The following RTTN variants were observed in gnomAD, a reference collection of about 807,000 sequenced individuals.
The protein encoded by RTTN is rotatin.
A neutral mutation model predicts 269.2 loss-of-function variants in RTTN; 182 were observed. The ratio of observed to expected loss-of-function variants is 0.68; its 90% CI spans 0.60 to 0.76. The LOEUF (loss-of-function observed/expected upper bound fraction) is 0.76. Ranked by LOEUF, RTTN falls within the 30% of genes least tolerant of loss-of-function variation. The pLI, the probability that RTTN is intolerant of heterozygous loss-of-function variation, is 0.00. For synonymous variants in RTTN, 1,006 were observed against 963.5 expected (o/e 1.04, Z -0.82); for missense variants, 2,545 against 2,608.6 (o/e 0.98, Z 0.53).
In RTTN at chr18:70,054,280, G is replaced by T. The variant is rs773203986; in HGVS notation, c.5036C>A (p.Ser1679Tyr). ...PPAEHTQAQV[S>Y]FLLEYLSSLS... Reference sequence around the variant, plus strand: ...AGAGGATAGGTATTCCAGGAGAAAGGAAACCTGTTTGAAAAGGAGACAGGG... The same window carrying T: ...AGAGGATAGGTATTCCAGGAGAAAGTAAACCTGTTTGAAAAGGAGACAGGG... The change falls in exon 38 of 49, where the codon TCC becomes TAC. Residue 1679 changes from serine to tyrosine, a missense_variant. Physicochemically the swap from Ser to Tyr is moderately radical, Grantham distance 144. Transcript: ENST00000640769. 2 of 1,607,684 alleles carry T rather than the reference G, an allele frequency of 1.2e-6. No homozygotes were observed. Among genetic ancestry groups the T allele is most frequent in the South Asian group, 2.2e-5 (2 of 89,780 alleles).
At position 70,121,926 on chromosome 18, in the gene RTTN, G is replaced by C. The variant is rs74999746; in HGVS notation, c.3384-226C>G. Among the ~76,000 whole-genome samples the C allele has an allele frequency of 0.021, 3,242 of 152,154 alleles. 52 individuals carry two copies. The highest frequency in any genetic ancestry group is 0.04 in the Admixed American group (609 of 15,270). On this transcript the variant is annotated intron_variant, in intron 25 of 48. Coordinates refer to ENST00000640769, the MANE Select transcript of RTTN (RefSeq NM_173630.4). ...TGTGGACAAGTAACTAAAATAACTA[G>C]AAGTGACAAATATCATAAGAGAAAA...
intron 28 of RTTN, among the ~76,000 whole-genome samples, chr18:70,102,458 T>C (rs927747974): frequency 3.9e-5 from 6 of 152,182 alleles, no homozygotes; most frequent in African/African-American, 1.2e-4. Context: ...TTTGAGCCTA[T>C]GTATGTCTCT....
At chr18:70,122,553 T>C (rs1347490675) in intron 25 of RTTN, among the ~76,000 whole-genome samples, 2 of 152,102 alleles carry the variant, frequency 1.3e-5, no homozygotes, top group African/African-American at 2.4e-5. Context: ...CATTATGAAG[T>C]AGGCACCTCT....
At chr18:70,166,319 T>C (rs2060985068) in intron 13 of RTTN, 131 bp from the exon 14 acceptor site, 2 of 772,624 alleles carry the variant, frequency 2.6e-6, no homozygotes, top group South Asian at 3.8e-5. Context: ...AAATAACCAA[T>C]ACTAGCAAGT....
intron 34 of RTTN, among the ~76,000 whole-genome samples, chr18:70,070,129 C>T (rs150612343): frequency 6.6e-6 from 1 of 152,192 alleles, no homozygotes; most frequent in Non-Finnish European, 1.5e-5. Context: ...AGATGATAGA[C>T]GATTCTTGCA....
intron 8 of RTTN, among the ~76,000 whole-genome samples, chr18:70,191,972 T>C (rs1297819423): frequency 1.3e-5 from 2 of 152,112 alleles, no homozygotes; most frequent in Non-Finnish European, 2.9e-5. Flanking sequence ...CCAACTACAA[T>C]ATAAGGACTA....
intron 9 of RTTN, 48 bp downstream of exon 9, chr18:70,190,490 A>G: frequency 8.9e-6 from 13 of 1,454,602 alleles, no homozygotes; most frequent in Non-Finnish European, 1.2e-5. Context: ...AACGAAATAC[A>G]AAACAGACAC....
chr18:70,198,746 A>G (rs1443420140), intron 5 of RTTN, among the ~76,000 whole-genome samples: 1 of 152,216 alleles, frequency 6.6e-6, no homozygotes, highest in Admixed American at 6.5e-5. Flanking sequence ...TGAAGCCCAC[A>G]TTTTGAAATA....
At chr18:70,176,049 T>G (rs1014965060) in intron 11 of RTTN, among the ~76,000 whole-genome samples, 9 of 152,178 alleles carry the variant, frequency 5.9e-5, no homozygotes, top group Admixed American at 1.3e-4. Flanking sequence ...AAGATACAAG[T>G]GTACCAATTA....
At position 70,065,854 on chromosome 18, in the gene RTTN, G is replaced by A; in HGVS notation, c.4722C>T (p.Ala1574=). The A allele has an allele frequency of 6.2e-7, 1 of 1,600,554 alleles. No homozygotes were observed. Among genetic ancestry groups the A allele is most frequent in the Non-Finnish European group, 8.5e-7 (1 of 1,172,444 alleles). ...CTTGAGCCACAAACTGGTCATGGGAGGCTTCAGGTAGAAGTGTTGTTGACT... is the reference window on the plus strand; with the variant it reads ...CTTGAGCCACAAACTGGTCATGGGAAGCTTCAGGTAGAAGTGTTGTTGACT... ...LVQSTTLLPE[A]SHDQFVAQGH... is the part of the protein sequence containing the mutation. Residue 1574 remains alanine (A), a synonymous_variant, in exon 35 of 49, where the codon GCC becomes GCT. Coordinates refer to ENST00000640769, the MANE Select transcript of RTTN (RefSeq NM_173630.4).
chr18:70,055,747 G>A (rs1335694598), intron 37 of RTTN, among the ~76,000 whole-genome samples: 1 of 152,120 alleles, frequency 6.6e-6, no homozygotes, highest in Non-Finnish European at 1.5e-5. Flanking sequence ...AGATTCTTTT[G>A]TATATGATCA....
chr18:70,075,105 A>T, intron 33 of RTTN: 1 of 298,586 alleles, frequency 3.3e-6, no homozygotes, highest in Non-Finnish European at 6.0e-6. Flanking sequence ...ATGCTTGCAG[A>T]ATATTTAGTG....
chr18:70,106,203 G>T (rs2059316492), intron 28 of RTTN, among the ~76,000 whole-genome samples: 1 of 152,156 alleles, frequency 6.6e-6, no homozygotes, highest in East Asian at 1.9e-4. Flanking sequence ...AAACCAGCCA[G>T]GTGTAGTGGT....
rs547352252 is a variant in RTTN at position 70,074,004 on chromosome 18, C to T, written c.4565-10G>A. ...AATGAGTCATCTAAACCTGCAACAA[C>T]GAGAAAATTGTTAACATGGACACCC... On this transcript the variant is annotated splice_polypyrimidine_tract_variant and intron_variant, in intron 33 of 48. Transcript: ENST00000640769. The T allele has an allele frequency of 8.8e-6, 14 of 1,595,902 alleles. No homozygotes were observed. In the East Asian group the frequency reaches 1.3e-4, roughly 15 times the overall value.
intron 18 of RTTN, among the ~76,000 whole-genome samples, chr18:70,144,450 G>A (rs931007508): frequency 6.6e-6 from 1 of 152,122 alleles, no homozygotes; most frequent in African/African-American, 2.4e-5. Context: ...GTCCCTTACT[G>A]TCACTTCATG....
intron 14 of RTTN, among the ~76,000 whole-genome samples, chr18:70,151,268 T>A (rs2060531428): frequency 6.7e-6 from 1 of 149,588 alleles, no homozygotes; most frequent in Non-Finnish European, 1.5e-5. Context: ...TATATATGAT[T>A]ATATAAAGTT....
intron 10 of RTTN, among the ~76,000 whole-genome samples, chr18:70,184,715 TTTGTGTGTGTGTG>T (rs2061500002): frequency 1.3e-5 from 1 of 76,062 alleles, no homozygotes; most frequent in African/African-American, 5.4e-5. Context: ...TTTTTTTTTT[TTTGTGTGTGTGTG>T]TGTGTGTGTG....
intron 5 of RTTN, among the ~76,000 whole-genome samples, chr18:70,198,795 ATT>A (rs924297557): frequency 3.4e-4 from 52 of 152,256 alleles, no homozygotes; most frequent in African/African-American, 1.0e-3. Flanking sequence ...TCAATTTTCC[ATT>A]TTTATCAATC....
At chr18:70,106,311 T>G (rs531902243) in intron 28 of RTTN, among the ~76,000 whole-genome samples, 2 of 152,248 alleles carry the variant, frequency 1.3e-5, no homozygotes, top group South Asian at 4.2e-4. Flanking sequence ...CACCACTGCA[T>G]TCCAGCCTGA....
Sources: gnomAD v4.1 joint callset for allele counts (sites outside exome capture counted in the v4.1 genomes callset) on GRCh38, gnomAD v4.1.1 for gene constraint, MANE v1.5 for transcripts, NCBI Gene and HGNC (gene_info 2026-07-23, HGNC 2026-07-21) for gene names.